The following TADA2A variants were observed in gnomAD, a reference collection of about 807,000 sequenced individuals.
The protein encoded by TADA2A is transcriptional adaptor 2A, also known as transcriptional adapter 2-alpha.
Under a neutral mutation model 67.4 loss-of-function variants are expected in TADA2A, and 38 were observed. The ratio of observed to expected loss-of-function variants is 0.56; its 90% CI spans 0.44 to 0.74. TADA2A has a LOEUF of 0.74. Among genes scored for constraint, TADA2A ranks in the 30% least tolerant of loss-of-function variants. The probability of loss-of-function intolerance (pLI) is 0.00; values close to 1 mark genes in which losing one functional copy is unlikely to be tolerated. For synonymous variants in TADA2A, 192 were observed against 181.6 expected, an observed-to-expected ratio of 1.06 and a Z score of -0.46; for missense variants, 454 against 547.0, an observed-to-expected ratio of 0.83 and a Z score of 1.70.
At chr17:37,454,212 C>A in intron 8 of TADA2A, 1 of 155,626 alleles carries the variant, frequency 6.4e-6, no homozygotes, top group South Asian at 1.9e-4. Flanking sequence ...AAGATCTACC[C>A]CAGACACAAG....
chr17:37,454,738 T>C, intron 8 of TADA2A: 1 of 347,258 alleles, frequency 2.9e-6, no homozygotes, highest in Non-Finnish European at 6.0e-6. Context: ...GTGCATCTCT[T>C]GCTAATATAG....
At chr17:37,453,768 T>A (rs2053296884) in intron 8 of TADA2A, among the ~76,000 whole-genome samples, 2 of 142,478 alleles carry the variant, frequency 1.4e-5, no homozygotes, top group African/African-American at 2.6e-5. Flanking sequence ...GATTTTTTTT[T>A]TTTTTTTTTT....
rs932307977 is a variant in TADA2A, at chr17:37,416,085, G to A, written c.25+4695G>A. The stretch of plus-strand genomic sequence containing the variant: ...TCCCCAAATTGTCTTTGTGTCTTTC[G>A]CAGCAGGATCTTTGGTCTTTTATTC... On this transcript the variant is annotated intron_variant, in intron 2 of 15. Coordinates refer to ENST00000615182, the MANE Select transcript of TADA2A (RefSeq NM_001166105.3). Among the ~76,000 whole-genome samples, 3 of 150,548 alleles carry A rather than the reference G, an allele frequency of 2.0e-5. No homozygotes were observed. The Admixed American group carries it at 2.0e-4, about 10-fold the overall frequency.
At chr17:37,419,749 GC>G (rs2052170580) in intron 2 of TADA2A, among the ~76,000 whole-genome samples, 1 of 136,752 alleles carries the variant, frequency 7.3e-6, no homozygotes, top group Non-Finnish European at 1.6e-5. Flanking sequence ...TTGCACTGCA[GC>G]CTGGGTAACC....
rs71135722 is a variant in TADA2A at position 37,420,014 on chromosome 17, CA to C, written c.26-3484del. Among the ~76,000 whole-genome samples the C allele has an allele frequency of 6.7e-5, 9 of 134,660 alleles. 1 individual carries two copies. Among genetic ancestry groups the C allele is most frequent in the Non-Finnish European group, 1.1e-4 (7 of 61,498 alleles). The allele number at this position is 134,660 out of a possible 152,430, so 88.3% of individuals were successfully genotyped here. A position where few individuals can be genotyped will look rare whatever the true frequency, so the allele number is the denominator to read the frequency against. On this transcript the variant is annotated intron_variant, in intron 2 of 15. Coordinates refer to ENST00000615182, the MANE Select transcript of TADA2A (RefSeq NM_001166105.3). ...TGGGCGACAGAGCAAGACTCCGTCT[CA>C]AAAAAAAAAACTACTTTGCTCAGTG...
intron 10 of TADA2A, 56 bp downstream of exon 10, chr17:37,462,177 T>C (rs2053561645): frequency 8.3e-7 from 1 of 1,206,320 alleles, no homozygotes; most frequent in African/African-American, 1.6e-5. Flanking sequence ...TATTGAATAA[T>C]TTTAAATAAA....
At chr17:37,425,259 C>CTGTTTAT (rs2052370651) in intron 3 of TADA2A, among the ~76,000 whole-genome samples, 1 of 152,138 alleles carries the variant, frequency 6.6e-6, no homozygotes, top group Non-Finnish European at 1.5e-5. Flanking sequence ...TTTGATGACA[C>CTGTTTAT]TGTTTATTGT....
intron 15 of TADA2A, among the ~76,000 whole-genome samples, chr17:37,476,263 C>T (rs77478054): frequency 0.018 from 2,697 of 152,266 alleles, 77 homozygotes; most frequent in African/African-American, 0.062. Flanking sequence ...AGATTTTTAG[C>T]AGTTAAAGTT....
chr17:37,435,331 C>A (rs1334264818), intron 4 of TADA2A, among the ~76,000 whole-genome samples: 2 of 152,214 alleles, frequency 1.3e-5, no homozygotes, highest in East Asian at 3.8e-4. Context: ...CTCTGTCCCG[C>A]AGGCTGGAGT....
intron 2 of TADA2A, among the ~76,000 whole-genome samples, chr17:37,414,151 T>C (rs2051966975): frequency 6.6e-6 from 1 of 152,186 alleles, no homozygotes; most frequent in East Asian, 1.9e-4. Flanking sequence ...TATGGCTGCA[T>C]AGTATTCCAT....
At chr17:37,445,088 A>G (rs1430743657) in intron 8 of TADA2A, among the ~76,000 whole-genome samples, 1 of 152,208 alleles carries the variant, frequency 6.6e-6, no homozygotes, top group Non-Finnish European at 1.5e-5. Flanking sequence ...AAGGAAGGGA[A>G]TCAGTTTGAA....
Position 37,440,673 on chromosome 17 carries a change from C to T in TADA2A, c.442+11C>T. The T allele has an allele frequency of 6.2e-7, 1 of 1,614,046 alleles. No homozygotes were observed. The highest frequency in any genetic ancestry group is 2.2e-5 in the East Asian group (1 of 44,886). ...CCATTCCATTTCACTGTAAGTGCCT[C>T]CCTATCTTGATAAGATATACTTAGC... is the stretch of plus-strand genomic sequence containing the variant. On this transcript the variant is annotated intron_variant, in intron 6 of 15. Transcript: ENST00000615182.
chr17:37,469,209 A>G (rs377126762), intron 12 of TADA2A, among the ~76,000 whole-genome samples: 21 of 151,864 alleles, frequency 1.4e-4, no homozygotes, highest in African/African-American at 4.8e-4. Flanking sequence ...GCCCGGCAAT[A>G]GTTGGCTTCT....
chr17:37,442,914 A>G (rs879329943), intron 7 of TADA2A, among the ~76,000 whole-genome samples: 1 of 152,196 alleles, frequency 6.6e-6, no homozygotes, highest in Admixed American at 6.5e-5. Context: ...CTGTAATCCC[A>G]GCACTTTGGG....
At chr17:37,419,399 C>T (rs1208372157) in intron 2 of TADA2A, among the ~76,000 whole-genome samples, 1 of 145,638 alleles carries the variant, frequency 6.9e-6, no homozygotes, top group African/African-American at 2.5e-5. Flanking sequence ...GTCTCGAACT[C>T]CTGAGCTCAA....
chr17:37,428,010 T>C (rs1242583829), intron 4 of TADA2A, among the ~76,000 whole-genome samples: 5 of 152,006 alleles, frequency 3.3e-5, no homozygotes, highest in African/African-American at 4.8e-5. Context: ...TTGTCAGTTA[T>C]CAGAACATAT....
intron 2 of TADA2A, among the ~76,000 whole-genome samples, chr17:37,419,778 C>CA (rs34588213): frequency 0.28 from 34,460 of 123,424 alleles, 6,250 homozygotes; most frequent in Middle Eastern, 0.4. Context: ...GACACTGTCT[C>CA]AAAAAAAAAA....
chr17:37,473,627 G>T (rs948552347), intron 14 of TADA2A, among the ~76,000 whole-genome samples: 7 of 152,222 alleles, frequency 4.6e-5, no homozygotes, highest in Admixed American at 2.0e-4. Context: ...TCCATTCCCA[G>T]CTGAATACCA....
chr17:37,452,071 C>A (rs989018839), intron 8 of TADA2A, among the ~76,000 whole-genome samples: 12 of 152,142 alleles, frequency 7.9e-5, no homozygotes, highest in African/African-American at 2.9e-4. Flanking sequence ...CTATTAAATT[C>A]ATCTTACTGA....
Sources: gnomAD v4.1 joint callset for allele counts (sites outside exome capture counted in the v4.1 genomes callset) on GRCh38, gnomAD v4.1.1 for gene constraint, MANE v1.5 for transcripts, NCBI Gene and HGNC (gene_info 2026-07-23, HGNC 2026-07-21) for gene names.